Variants in FHL2 observed in about 807,000 individuals in gnomAD.
The protein encoded by FHL2 is four and a half LIM domains 2, also known as four and a half LIM domains protein 2.
FHL2 carries 20 observed loss-of-function variants against 32.7 expected under a neutral mutation model. The ratio of observed to expected loss-of-function variants is 0.61; its 90% CI spans 0.43 to 0.89. The LOEUF (loss-of-function observed/expected upper bound fraction) is 0.89. Ranked by LOEUF, FHL2 falls within the 40% of genes least tolerant of loss-of-function variation. The probability of loss-of-function intolerance (pLI) is 0.00; values close to 1 mark genes in which losing one functional copy is unlikely to be tolerated. For synonymous variants in FHL2, 123 were observed against 128.1 expected (o/e 0.96, Z 0.27); for missense variants, 311 against 358.6 (o/e 0.87, Z 1.07).
At chr2:105,436,192 C>T (rs1382910354) in intron 1 of FHL2, among the ~76,000 whole-genome samples, 1 of 151,916 alleles carries the variant, frequency 6.6e-6, no homozygotes, top group Non-Finnish European at 1.5e-5. Context: ...GACAAATCAA[C>T]GGTAATAAAA....
Position 105,373,459 on chromosome 2 carries a change from G to A in FHL2, c.331+100C>T, listed in dbSNP as rs1028841101. The A allele has an allele frequency of 2.5e-5, 32 of 1,300,498 alleles. No homozygotes were observed. In the East Asian group the frequency reaches 3.1e-4, roughly 12 times the overall value. The allele number at this position is 1,300,498 out of a possible 1,614,324, so 80.6% of individuals were successfully genotyped here. On this transcript the variant is annotated intron_variant, in intron 4 of 6. Coordinates refer to ENST00000530340, the MANE Select transcript of FHL2 (RefSeq NM_001318895.3). ...CAAGGTCAAACTGGAAAGTCAACAC[G>A]AGTGTCTGGAACCAAGTCAATGTGA...
rs145025715 is a variant in FHL2 at position 105,421,027 on chromosome 2, T to A, written c.-25+17372A>T. ...CATCCACACCATGAGAATGGGGCAC[T>A]GGGGTTGTACAGAGCCAGTGGTGGC... On this transcript the variant is annotated intron_variant, in intron 1 of 5. Transcript: ENST00000393352. Among the ~76,000 whole-genome samples, 282 of 152,290 alleles carry A rather than the reference T, an allele frequency of 1.9e-3. 12 individuals are homozygous for A. Among genetic ancestry groups the A allele is most frequent in the Non-Finnish European group, 5.4e-4 (37 of 68,012 alleles).
intron 3 of FHL2, chr2:105,373,982 G>A (rs543284316): frequency 1.1e-4 from 60 of 529,946 alleles, no homozygotes; most frequent in African/African-American, 1.0e-3. Flanking sequence ...GTCTGTGTGT[G>A]AGAGATGCTT....
chr2:105,366,778 C>T (rs1047147082), intron 5 of FHL2, among the ~76,000 whole-genome samples: 1 of 152,190 alleles, frequency 6.6e-6, no homozygotes, highest in Non-Finnish European at 1.5e-5. Context: ...TGGAGTCTCG[C>T]TCAGTCGCCC....
At chr2:105,366,776 C>T (rs759937206) in intron 5 of FHL2, among the ~76,000 whole-genome samples, 45 of 152,256 alleles carry the variant, frequency 3.0e-4, no homozygotes, top group Non-Finnish European at 5.4e-4. Context: ...GATGGAGTCT[C>T]GCTCAGTCGC....
At chr2:105,365,586 G>A (rs1451647370) in intron 5 of FHL2, among the ~76,000 whole-genome samples, 1 of 151,422 alleles carries the variant, frequency 6.6e-6, no homozygotes, top group Admixed American at 6.6e-5. Flanking sequence ...TAAAATAAAA[G>A]CAGGAATGAG....
intron 2 of FHL2, among the ~76,000 whole-genome samples, chr2:105,391,555 G>A (rs1467597176): frequency 1.3e-5 from 2 of 152,166 alleles, no homozygotes; most frequent in Non-Finnish European, 2.9e-5. Flanking sequence ...GGCAATGAGG[G>A]CCTGGATGCC....
chr2:105,409,194 A>G (rs944722981), intron 1 of FHL2, among the ~76,000 whole-genome samples: 1 of 152,248 alleles, frequency 6.6e-6, no homozygotes, highest in Non-Finnish European at 1.5e-5. Flanking sequence ...CAAGTGAGGG[A>G]AAGAAAGAGA....
At chr2:105,425,832 T>TC (rs1330553282) in intron 1 of FHL2, among the ~76,000 whole-genome samples, 1 of 152,142 alleles carries the variant, frequency 6.6e-6, no homozygotes, top group Non-Finnish European at 1.5e-5. Flanking sequence ...CACGCTGCTC[T>TC]CCTACTACAT....
chr2:105,375,409 A>G (rs1171884976), intron 3 of FHL2: 1 of 152,210 alleles, frequency 6.6e-6, no homozygotes, highest in Non-Finnish European at 1.5e-5. Context: ...GCAAGACGAT[A>G]AAGAATGAAG....
chr2:105,432,539 G>A (rs147616564), intron 1 of FHL2, among the ~76,000 whole-genome samples: 106 of 152,266 alleles, frequency 7.0e-4, no homozygotes, highest in African/African-American at 2.4e-3. Context: ...CAGTTTCCTA[G>A]TAAGTTAATT....
At chr2:105,366,871 G>A (rs549684366) in intron 5 of FHL2, among the ~76,000 whole-genome samples, 31 of 152,294 alleles carry the variant, frequency 2.0e-4, no homozygotes, top group African/African-American at 7.2e-4. Flanking sequence ...TCAGTCTCCT[G>A]AGTAGCTGGG....
At chr2:105,410,659 G>A (rs1027181918) in intron 1 of FHL2, among the ~76,000 whole-genome samples, 11 of 152,154 alleles carry the variant, frequency 7.2e-5, no homozygotes, top group African/African-American at 2.7e-4. Flanking sequence ...GTCTTTCTCA[G>A]ACGAGAAGGA....
Position 105,360,995 on chromosome 2 carries a change from T to G in FHL2, c.*288A>C, listed in dbSNP as rs1001106034. The G allele has an allele frequency of 4.4e-5, 12 of 273,890 alleles. No homozygotes were observed. Among genetic ancestry groups the G allele is most frequent in the African/African-American group, 2.2e-4 (10 of 45,626 alleles). The allele number at this position is 273,890 out of a possible 1,614,324, so 17.0% of individuals were successfully genotyped here. The stretch of plus-strand genomic sequence containing the variant: ...CTTAAATAGACAGTGAGAGAAAGAT[T>G]TATAAAGGCATCATTCAAAAGGATT... On this transcript the variant is annotated 3_prime_UTR_variant, in exon 7 of 7. Transcript: ENST00000530340.
chr2:105,399,799 G>C (rs1683397068), upstream of FHL2: 5 of 557,780 alleles, frequency 9.0e-6, no homozygotes, highest in South Asian at 1.2e-4. Flanking sequence ...GGGAGAGGGT[G>C]CGTCGTGATG....
chr2:105,425,066 A>G (rs1402993192), intron 1 of FHL2, among the ~76,000 whole-genome samples: 1 of 152,114 alleles, frequency 6.6e-6, no homozygotes, highest in African/African-American at 2.4e-5. Flanking sequence ...CACTGTGTCT[A>G]TGTAGAAAGG....
chr2:105,434,882 T>G (rs1156400693), intron 1 of FHL2, among the ~76,000 whole-genome samples: 1 of 152,166 alleles, frequency 6.6e-6, no homozygotes, highest in Non-Finnish European at 1.5e-5. Flanking sequence ...TAGCTATTAT[T>G]TTTAATAGAC....
In FHL2 at chr2:105,428,259, G is replaced by A. The variant is rs553908655; in HGVS notation, c.-25+10140C>T. Among the ~76,000 whole-genome samples the A allele has an allele frequency of 4.4e-4, 67 of 152,294 alleles. 1 individual carries two copies. The highest frequency in any genetic ancestry group is 2.0e-3 in the Admixed American group (31 of 15,304). On this transcript the variant is annotated intron_variant, in intron 1 of 5. Coordinates refer to the FHL2 transcript ENST00000393352. ...GCGTATATGTGTAAGGGCGGCCCGT[G>A]CCACCCATAGGTGAGGTCTGGACAT...
At chr2:105,423,892 CTT>C (rs1223370151) in intron 1 of FHL2, among the ~76,000 whole-genome samples, 5 of 152,202 alleles carry the variant, frequency 3.3e-5, no homozygotes, top group African/African-American at 9.6e-5. Flanking sequence ...GGGTTAAAGA[CTT>C]AAACATAAGA....
Sources: gnomAD v4.1 joint callset for allele counts (sites outside exome capture counted in the v4.1 genomes callset) on GRCh38, gnomAD v4.1.1 for gene constraint, MANE v1.5 for transcripts, NCBI Gene and HGNC (gene_info 2026-07-23, HGNC 2026-07-21) for gene names.